TEKT3: variants seen among roughly 807,000 people sequenced by gnomAD.
The protein encoded by TEKT3 is tektin 3.
A neutral mutation model predicts 49.8 loss-of-function variants in TEKT3; 49 were observed. The ratio of observed to expected loss-of-function variants is 0.98; its 90% CI spans 0.78 to 1.25. TEKT3 has a LOEUF of 1.25. TEKT3 is among the 50% of genes most tolerant of loss of function. The probability of loss-of-function intolerance (pLI) is 0.00; values close to 1 mark genes in which losing one functional copy is unlikely to be tolerated. For missense variants in TEKT3, 595 were observed against 629.5 expected, an observed-to-expected ratio of 0.95 and a Z score of 0.59; for synonymous variants, 225 against 237.2, an observed-to-expected ratio of 0.95 and a Z score of 0.47.
Position 15,327,246 on chromosome 17 carries a change from A to C in TEKT3, c.663+746T>G, listed in dbSNP as rs182446491. ...TTAAAAGAATATCCAGGCTGGGTGC[A>C]GTGGCTCAAGTCTGTAATCCCAGCA... On this transcript the variant is annotated intron_variant, in intron 4 of 8. Transcript: ENST00000395930. Among the ~76,000 whole-genome samples the C allele has an allele frequency of 4.6e-5, 7 of 152,074 alleles. No homozygotes were observed. In the East Asian group the frequency reaches 1.4e-3, roughly 29 times the overall value.
chr17:15,326,697 A>G (rs904902444), intron 4 of TEKT3, among the ~76,000 whole-genome samples: 2 of 152,204 alleles, frequency 1.3e-5, no homozygotes, highest in Non-Finnish European at 2.9e-5. Context: ...TTACCAAGCT[A>G]AAAAATGTTT....
chr17:15,323,031 T>C (rs1022846524), intron 4 of TEKT3, among the ~76,000 whole-genome samples: 1 of 152,140 alleles, frequency 6.6e-6, no homozygotes, highest in Admixed American at 6.5e-5. Context: ...ACAACCTGCT[T>C]AGAGGCAGAA....
chr17:15,334,702 G>A (rs959501204), intron 2 of TEKT3, among the ~76,000 whole-genome samples: 1 of 152,220 alleles, frequency 6.6e-6, no homozygotes, highest in Admixed American at 6.5e-5. Context: ...AACTCCTCAT[G>A]TACGGCAGTC....
chr17:15,317,402 G>C (rs929141530), intron 5 of TEKT3, among the ~76,000 whole-genome samples: 1 of 152,126 alleles, frequency 6.6e-6, no homozygotes, highest in Admixed American at 6.5e-5. Context: ...CCAATGCTTT[G>C]AACCACACTA....
intron 4 of TEKT3, among the ~76,000 whole-genome samples, chr17:15,320,924 A>G (rs1278023605): frequency 6.6e-6 from 1 of 152,176 alleles, no homozygotes; most frequent in Non-Finnish European, 1.5e-5. Flanking sequence ...GTGTACACAA[A>G]GCACAGAGTG....
At chr17:15,337,504 G>C (rs1248854876) in intron 2 of TEKT3, among the ~76,000 whole-genome samples, 2 of 152,164 alleles carry the variant, frequency 1.3e-5, no homozygotes, top group Non-Finnish European at 2.9e-5. Flanking sequence ...ACTATAAGCT[G>C]TCCAGGAAAA....
intron 8 of TEKT3, among the ~76,000 whole-genome samples, chr17:15,307,436 T>C (rs948085588): frequency 2.6e-5 from 4 of 152,232 alleles, no homozygotes; most frequent in African/African-American, 9.6e-5. Flanking sequence ...ACTTGTAATA[T>C]GAAGGTAATG....
intron 1 of TEKT3, among the ~76,000 whole-genome samples, chr17:15,341,123 T>C (rs917711541): frequency 2.6e-5 from 4 of 152,106 alleles, no homozygotes; most frequent in African/African-American, 4.8e-5. Flanking sequence ...ATCTGAAGGC[T>C]CGGCTATTGA....
intron 4 of TEKT3, among the ~76,000 whole-genome samples, chr17:15,326,603 A>G (rs1260047336): frequency 6.6e-6 from 1 of 152,200 alleles, no homozygotes; most frequent in East Asian, 1.9e-4. Flanking sequence ...AGCCATGGTG[A>G]TGAAGGAACA....
rs187403203 is a variant in TEKT3 at position 15,323,726 on chromosome 17, C to G, written c.663+4266G>C. On this transcript the variant is annotated intron_variant, in intron 4 of 8. Transcript: ENST00000395930. ...TGCCAATATCAATACCTTGAGTAAG[C>G]CACAGAATGCATTCACTACTTGAAT... Among the ~76,000 whole-genome samples the G allele has an allele frequency of 4.6e-5, 7 of 152,250 alleles. No individual in the cohort carries two copies. In the East Asian group the frequency reaches 1.3e-3, roughly 29 times the overall value.
At chr17:15,334,573 A>G (rs1911909179) in intron 2 of TEKT3, among the ~76,000 whole-genome samples, 1 of 152,210 alleles carries the variant, frequency 6.6e-6, no homozygotes, top group South Asian at 2.1e-4. Flanking sequence ...GTGGACTGAG[A>G]AAAACAAATA....
intron 5 of TEKT3, among the ~76,000 whole-genome samples, chr17:15,316,281 T>A (rs1385100318): frequency 6.6e-6 from 1 of 152,186 alleles, no homozygotes; most frequent in African/African-American, 2.4e-5. Flanking sequence ...TCATGAAGCA[T>A]CTATTGTTAC....
At chr17:15,318,898 G>A (rs142879322) in intron 5 of TEKT3, among the ~76,000 whole-genome samples, 179 bp downstream of exon 5, 4 of 152,278 alleles carry the variant, frequency 2.6e-5, no homozygotes, top group East Asian at 1.9e-4. Context: ...GGCATACAAC[G>A]TGTAAGAATC....
intron 3 of TEKT3, among the ~76,000 whole-genome samples, chr17:15,330,007 C>T (rs1458950270): frequency 6.6e-6 from 1 of 152,110 alleles, no homozygotes; most frequent in Non-Finnish European, 1.5e-5. Flanking sequence ...TAGAGGTGAC[C>T]TGAGCCCATT....
chr17:15,315,589 G>GAAA (rs35107929), intron 5 of TEKT3, among the ~76,000 whole-genome samples: 4 of 125,158 alleles, frequency 3.2e-5, no homozygotes, highest in African/African-American at 9.4e-5. Context: ...ACACCAGTGA[G>GAAA]AAAAAAAAAA....
In TEKT3 at chr17:15,324,223, T is replaced by C. The variant is rs571298868; in HGVS notation, c.663+3769A>G. On this transcript the variant is annotated intron_variant, in intron 4 of 8. Transcript: ENST00000395930. Reference sequence around the variant, plus strand: ...TGGTCCTTTGTGATGGCTTCTTTCATGTAGCATAATGTTTTCAATATTCAT... The same window carrying C: ...TGGTCCTTTGTGATGGCTTCTTTCACGTAGCATAATGTTTTCAATATTCAT... Among the ~76,000 whole-genome samples the C allele has an allele frequency of 1.1e-4, 16 of 152,364 alleles. No individual in the cohort carries two copies. In the South Asian group the frequency reaches 3.3e-3, roughly 32 times the overall value.
At position 15,312,265 on chromosome 17, in the gene TEKT3, T is replaced by A; in HGVS notation, c.1095A>T (p.Leu365Phe). ...CCACTGGCGGTTGATTTACCTTTGC[T>A]AAGTGCGTCTGAATCTTATTCTTAG... ...ADAKNKIQTH[L>F]AKTLQEIFQT... The change falls in exon 7 of 9, where the codon TTA becomes TTT. Residue 365 changes from leucine to phenylalanine, a missense_variant. Transcript: ENST00000395930. The A allele has an allele frequency of 6.2e-7, 1 of 1,614,180 alleles. No homozygotes were observed. The highest frequency in any genetic ancestry group is 8.5e-7 in the Non-Finnish European group (1 of 1,180,034).
intron 2 of TEKT3, among the ~76,000 whole-genome samples, chr17:15,334,349 C>T (rs991856618): frequency 3.3e-5 from 5 of 152,202 alleles, no homozygotes; most frequent in African/African-American, 9.7e-5. Flanking sequence ...GCCATCATGC[C>T]CAGCCTGCTT....
chr17:15,341,444 T>TG (rs1912225057), intron 1 of TEKT3, 74 bp downstream of exon 1: 1 of 152,306 alleles, frequency 6.6e-6, no homozygotes, highest in South Asian at 2.1e-4. Flanking sequence ...GGCGAGAAGT[T>TG]GGAGTCCTGG....
Sources: allele counts gnomAD v4.1 joint callset (sites outside exome capture counted in the v4.1 genomes callset), GRCh38; gene constraint gnomAD v4.1.1; transcripts MANE v1.5; gene names NCBI Gene and HGNC (gene_info 2026-07-23, HGNC 2026-07-21).